The following TLN1 variants were observed in gnomAD, a reference collection of about 807,000 sequenced individuals.
TLN1 encodes talin-1.
TLN1 carries 56 observed loss-of-function variants against 292.3 expected under a neutral mutation model. That is an observed-to-expected ratio of 0.19 (90% CI 0.15 to 0.24). The LOEUF is 0.24. TLN1 is among the 10% of genes least tolerant of loss of function. The probability of loss-of-function intolerance (pLI) is 1.00; values close to 1 mark genes in which losing one functional copy is unlikely to be tolerated. For missense variants in TLN1, 2,433 were observed against 3,248.2 expected (o/e 0.75, Z 6.10); for synonymous variants, 1,119 against 1,253.7 (o/e 0.89, Z 2.27).
rs1393996992 is a variant in TLN1 at position 35,697,553 on chromosome 9, G to C, written c.*238C>G. On this transcript the variant is annotated 3_prime_UTR_variant, in exon 57 of 57. Transcript: ENST00000314888. Reference sequence around the variant, plus strand: ...TACAGCAGCGTTAATAATACTCTTGGAGCGTTAATACTCTGGGGAGGGGCA... The same window carrying C: ...TACAGCAGCGTTAATAATACTCTTGCAGCGTTAATACTCTGGGGAGGGGCA... The C allele has an allele frequency of 3.5e-6, 2 of 570,578 alleles. No individual in the cohort carries two copies. Among genetic ancestry groups the C allele is most frequent in the Non-Finnish European group, 6.1e-6 (2 of 327,518 alleles). 35.3% of individuals were successfully genotyped at this position (570,578 alleles called of 1,614,324 possible).
Position 35,719,809 on chromosome 9 carries a change from C to T in TLN1, c.1509G>A (p.Met503Ile), listed in dbSNP as rs1183767060. The T allele has an allele frequency of 6.2e-7, 1 of 1,600,604 alleles. No individual in the cohort carries two copies. The highest frequency in any genetic ancestry group is 8.5e-7 in the Non-Finnish European group (1 of 1,173,312). The change falls in exon 14 of 57, where the codon ATG becomes ATA. Residue 503 changes from methionine (M) to isoleucine (I), a missense_variant. Around this residue, in one of 7 missense-constraint regions of TLN1, gnomAD observed 617 missense variants for 770.6 expected, o/e 0.80. Coordinates refer to ENST00000314888, the MANE Select transcript of TLN1 (RefSeq NM_006289.4). The surrounding 1 kb of genome is among the most constrained non-coding windows in gnomAD (Gnocchi z 4.6). ...TGGCCTGGGCAGCCTGCACGGCCTG[C>T]ATGCTGGAGTTAATGGTTCCAGTGA... ...QALTGTINSS[M>I]QAVQAAQATL...
In TLN1 at chr9:35,717,703, T is replaced by C. The variant is rs766122422; in HGVS notation, c.2079A>G (p.Thr693=). ...VLKAKSVAQR[T]EDSGLQTQVI... The stretch of plus-strand genomic sequence containing the variant: ...CTTGGGTCTGAAGTCCCGAGTCCTC[T>C]GTCCGCTGGGCCACACTCTTGGCCT... Residue 693 remains threonine (T), a synonymous_variant, in exon 18 of 57, where the codon ACA becomes ACG. Coordinates refer to ENST00000314888, the MANE Select transcript of TLN1 (RefSeq NM_006289.4). This position sits in a 1 kb window ranked among gnomAD's most constrained non-coding sequence, Gnocchi z 4.7. 8.1e-6 allele frequency: 13 copies of C among 1,614,118 alleles called. No individual in the cohort carries two copies. In the East Asian group the frequency reaches 2.9e-4, roughly 36 times the overall value.
At chr9:35,722,270 G>T (rs753336292) in intron 8 of TLN1, 47 bp from the exon 9 acceptor site, 3 of 1,522,070 alleles carry the variant, frequency 2.0e-6, no homozygotes, top group East Asian at 4.5e-5. Context: ...TCATATCACA[G>T]CTAAGGAATT....
rs2131898945 is a variant in TLN1 at position 35,717,055 on chromosome 9, G to A, written c.2458+91C>T. On this transcript the variant is annotated intron_variant, in intron 19 of 56. Transcript: ENST00000314888. This position sits in a 1 kb window ranked among gnomAD's most constrained non-coding sequence, Gnocchi z 4.7. ...CCCACACTGTGCTGAGTTCCTTGGG[G>A]TGAAGTGGTTAGGTCCGCAAGGGGA... The A allele has an allele frequency of 6.9e-7, 1 of 1,440,450 alleles. No individual in the cohort carries two copies. Among genetic ancestry groups the A allele is most frequent in the East Asian group, 2.3e-5 (1 of 43,426 alleles). The allele number at this position is 1,440,450 out of a possible 1,614,324, so 89.2% of individuals were successfully genotyped here.
chr9:35,703,457 CTG>C lies in TLN1; in HGVS notation c.6474+101_6474+102del. On this transcript the variant is annotated intron_variant, in intron 48 of 56. Transcript: ENST00000314888. ...GTCTGGCGATAGATGAGAGAGAAGA[CTG>C]TGTGTGACTCCAGCTGTGAGTATAT... 4 of 1,106,338 alleles carry C rather than the reference CTG, an allele frequency of 3.6e-6. No homozygotes were observed. In the South Asian group the frequency reaches 3.8e-5, roughly 11 times the overall value. The allele number at this position is 1,106,338 out of a possible 1,614,324, so 68.5% of individuals were successfully genotyped here.
In TLN1 at chr9:35,719,387, A is replaced by C; in HGVS notation, c.1688-105T>G. 1.5e-6 allele frequency: 2 copies of C among 1,357,232 alleles called. No individual in the cohort carries two copies. Among genetic ancestry groups the C allele is most frequent in the Non-Finnish European group, 2.1e-6 (2 of 954,880 alleles). 84.1% of individuals were successfully genotyped at this position (1,357,232 alleles called of 1,614,324 possible). On this transcript the variant is annotated intron_variant, in intron 15 of 56. Transcript: ENST00000314888. This position sits in a 1 kb window ranked among gnomAD's most constrained non-coding sequence, Gnocchi z 4.6. The stretch of plus-strand genomic sequence containing the variant: ...CAGTTAGTCACACACATGTCCACAG[A>C]AAGACGCACACACACAGTCCCTTCC...
At position 35,714,507 on chromosome 9, in the gene TLN1, C is replaced by T; in HGVS notation, c.2985+67G>A. Reference sequence around the variant, plus strand: ...AAGAGGCTCTTGGCAGAGATTCAAACTGTGGGAGATGGAAGCTTAGAAAGG... The same window carrying T: ...AAGAGGCTCTTGGCAGAGATTCAAATTGTGGGAGATGGAAGCTTAGAAAGG... On this transcript the variant is annotated intron_variant, in intron 23 of 56. Coordinates refer to ENST00000314888, the MANE Select transcript of TLN1 (RefSeq NM_006289.4). This position sits in a 1 kb window ranked among gnomAD's most constrained non-coding sequence, Gnocchi z 4.6. 3.1e-6 allele frequency: 5 copies of T among 1,590,502 alleles called. No homozygotes were observed. The highest frequency in any genetic ancestry group is 4.3e-6 in the Non-Finnish European group (5 of 1,172,744).
At chr9:35,700,143 A>G (rs747767154) in intron 49 of TLN1, 48 bp downstream of exon 49, 164 of 1,592,614 alleles carry the variant, frequency 1.0e-4, no homozygotes, top group Non-Finnish European at 1.3e-4. Context: ...CTCTCCCACT[A>G]TGTTCTGGCC....
At chr9:35,716,651 G>T in intron 19 of TLN1, 95 bp from the exon 20 acceptor site, 3 of 1,356,022 alleles carry the variant, frequency 2.2e-6, no homozygotes, top group Non-Finnish European at 3.0e-6. Flanking sequence ...AGACAAGGTA[G>T]ATGGGGGCTT....
chr9:35,716,350 C>A, intron 20 of TLN1, 40 bp downstream of exon 20: 1 of 1,610,612 alleles, frequency 6.2e-7, no homozygotes, highest in Non-Finnish European at 8.5e-7. Flanking sequence ...CTACTTCCCT[C>A]TAGGGTCCAG....
At chr9:35,713,833 TAAA>T (rs1825724281) in intron 25 of TLN1, 117 bp downstream of exon 25, 1 of 1,064,352 alleles carries the variant, frequency 9.4e-7, no homozygotes, top group Non-Finnish European at 1.3e-6. Flanking sequence ...AAAAGAAAAA[TAAA>T]AGAGAGAAAG....
At position 35,718,907 on chromosome 9, in the gene TLN1, G is replaced by A. The variant is rs776442599; in HGVS notation, c.1900C>T (p.Arg634Cys). The part of the protein sequence containing the change: ...RSAQPASAEP[R>C]QNLLQAAGNV... ...CCAGCTGCTTGCAGCAGGTTCTGAC[G>A]GGGCTGTGGAGAGTGAACACCAGTC... is the stretch of plus-strand genomic sequence containing the variant. Residue 634 changes from arginine (R) to cysteine (C), a missense_variant, in exon 17 of 57, where the codon CGT (arginine) becomes TGT (cysteine). By Grantham distance (180) the Arg-to-Cys change is radical. Transcript: ENST00000314888. 53 of 1,611,958 alleles carry A rather than the reference G, an allele frequency of 3.3e-5. No individual in the cohort carries two copies. The highest frequency in any genetic ancestry group is 4.5e-5 in the East Asian group (2 of 44,706).
chr9:35,702,965 G>T (rs1825492442), intron 48 of TLN1, among the ~76,000 whole-genome samples: 1 of 152,182 alleles, frequency 6.6e-6, no homozygotes, highest in African/African-American at 2.4e-5. Flanking sequence ...AAAAAATACA[G>T]TTGTCACATG....
chr9:35,707,974 G>A lies in TLN1; in HGVS notation c.4471-82C>T, dbSNP rs950858668. The A allele has an allele frequency of 6.7e-7, 1 of 1,502,204 alleles. No homozygotes were observed. Among genetic ancestry groups the A allele is most frequent in the Non-Finnish European group, 9.1e-7 (1 of 1,093,868 alleles). 93.1% of individuals were successfully genotyped at this position (1,502,204 alleles called of 1,614,324 possible). A position where few individuals can be genotyped will look rare whatever the true frequency, so the allele number is the denominator to read the frequency against. On this transcript the variant is annotated intron_variant, in intron 34 of 56. Transcript: ENST00000314888. The surrounding 1 kb of genome is among the most constrained non-coding windows in gnomAD (Gnocchi z 5.6). The stretch of plus-strand genomic sequence containing the variant: ...AGGAGGAGCCATTTTAGGGTCAGGG[G>A]ATGGAGAGCAATACCCTGAGGAGTC...
intron 9 of TLN1, 63 bp from the exon 10 acceptor site, chr9:35,721,866 G>C: frequency 4.4e-6 from 7 of 1,584,964 alleles, no homozygotes; most frequent in Non-Finnish European, 6.1e-6. Flanking sequence ...TGAATGATCA[G>C]ATCAGCTTGC....
intron 19 of TLN1, among the ~76,000 whole-genome samples, 159 bp from the exon 20 acceptor site, chr9:35,716,715 T>C (rs1239126658): frequency 6.6e-6 from 1 of 151,992 alleles, no homozygotes; most frequent in East Asian, 1.9e-4. Flanking sequence ...TTTGGGGCTA[T>C]TTTTTTTCTG....
chr9:35,704,697 A>G lies in TLN1; in HGVS notation c.5852T>C (p.Ile1951Thr), dbSNP rs143195358. ...PSDAYTKKELIECARRVSEKV... is the reference protein window; with the variant it reads ...PSDAYTKKELTECARRVSEKV... ...CTCAGAGACTCTCCGGGCACACTCT[A>G]TGAGCTCCTTCTTGGTGTAGGCATC... Residue 1951 changes from isoleucine to threonine, a missense_variant, in exon 44 of 57, where the codon ATA becomes ACA. Coordinates refer to ENST00000314888, the MANE Select transcript of TLN1 (RefSeq NM_006289.4). The surrounding 1 kb of genome is among the most constrained non-coding windows in gnomAD (Gnocchi z 6.9). The G allele has an allele frequency of 1.5e-5, 24 of 1,614,024 alleles. No individual in the cohort carries two copies. The highest frequency in any genetic ancestry group is 1.9e-5 in the Non-Finnish European group (22 of 1,180,038).
chr9:35,709,868 C>G (rs1355256166), intron 33 of TLN1, among the ~76,000 whole-genome samples: 1 of 102,232 alleles, frequency 9.8e-6, no homozygotes, highest in African/African-American at 4.0e-5. Context: ...GCCTGGGCGA[C>G]AGAGCGAAAC....
intron 1 of TLN1, among the ~76,000 whole-genome samples, chr9:35,727,125 C>T (rs1270038762): frequency 1.3e-5 from 2 of 152,200 alleles, no homozygotes; most frequent in Non-Finnish European, 2.9e-5. Flanking sequence ...GACAAGTCTG[C>T]CCGGCTGCTG....
Sources: allele counts gnomAD v4.1 joint callset (sites outside exome capture counted in the v4.1 genomes callset), GRCh38; gene constraint gnomAD v4.1.1; regional missense constraint gnomAD v4.1.1; non-coding constraint Gnocchi (gnomAD v3.1); transcripts MANE v1.5; gene names NCBI Gene and HGNC (gene_info 2026-07-23, HGNC 2026-07-21).